The following TEAD1 variants were observed in gnomAD, a reference collection of about 807,000 sequenced individuals.
TEAD1 encodes TEA domain transcription factor 1.
TEAD1 carries 9 observed loss-of-function variants against 54.9 expected under a neutral mutation model. The observed-to-expected ratio is 0.16, with a 90% CI of 0.10 to 0.29. The LOEUF is 0.29. Among genes scored for constraint, TEAD1 ranks in the 10% least tolerant of loss-of-function variants. The pLI is 1.00. For missense variants in TEAD1, 387 were observed against 535.9 expected, an observed-to-expected ratio of 0.72 and a Z score of 2.74; for synonymous variants, 200 against 187.8, an observed-to-expected ratio of 1.07 and a Z score of -0.53.
chr11:12,922,179 A>G (rs1948818847), intron 10 of TEAD1, among the ~76,000 whole-genome samples: 1 of 149,894 alleles, frequency 6.7e-6, no homozygotes, highest in Non-Finnish European at 1.5e-5. Context: ...GGGAATGTGG[A>G]GTACATGGTT....
At chr11:12,878,245 G>T (rs1947895586) in intron 5 of TEAD1, among the ~76,000 whole-genome samples, 1 of 152,114 alleles carries the variant, frequency 6.6e-6, no homozygotes, top group African/African-American at 2.4e-5. Flanking sequence ...TTTCTTAGAA[G>T]CCCTTAGCAG....
At chr11:12,731,536 A>G (rs1402590632) in intron 2 of TEAD1, among the ~76,000 whole-genome samples, 1 of 152,140 alleles carries the variant, frequency 6.6e-6, no homozygotes, top group Admixed American at 6.5e-5. Flanking sequence ...AATATCTTTA[A>G]TATCAATAAA....
intron 3 of TEAD1, among the ~76,000 whole-genome samples, chr11:12,793,446 A>G (rs1053214697): frequency 8.5e-5 from 13 of 152,328 alleles, no homozygotes; most frequent in African/African-American, 3.1e-4. Context: ...AATATCTTAT[A>G]GTTTTTTTGA....
At chr11:12,714,338 C>A (rs1173432617) in intron 2 of TEAD1, among the ~76,000 whole-genome samples, 1 of 152,188 alleles carries the variant, frequency 6.6e-6, no homozygotes, top group Admixed American at 6.5e-5. Context: ...CCCAGCAGCT[C>A]TGGGCCATTT....
At chr11:12,882,209 C>T (rs926163535) in intron 8 of TEAD1, among the ~76,000 whole-genome samples, 1 of 152,150 alleles carries the variant, frequency 6.6e-6, no homozygotes, top group African/African-American at 2.4e-5. Context: ...ACTGAAGACG[C>T]TGGATTATCC....
chr11:12,874,087 A>T lies in TEAD1; in HGVS notation c.331-5621A>T, dbSNP rs576205777. On this transcript the variant is annotated intron_variant, in intron 5 of 12. Coordinates refer to ENST00000527636, the MANE Select transcript of TEAD1 (RefSeq NM_021961.6). ...TAAATTACATTGGAATCCTATCTTT[A>T]AATTCTGAAATCATGGCCCATGAAT... Among the ~76,000 whole-genome samples, 32 of 152,316 alleles carry T rather than the reference A, an allele frequency of 2.1e-4. No individual in the cohort carries two copies. In the East Asian group the frequency reaches 2.9e-3, roughly 14 times the overall value.
At chr11:12,745,108 T>C (rs374370601) in intron 2 of TEAD1, among the ~76,000 whole-genome samples, 1 of 152,200 alleles carries the variant, frequency 6.6e-6, no homozygotes, top group Non-Finnish European at 1.5e-5. Context: ...TGGGGAAAGA[T>C]GAGTCGAGTC....
chr11:12,793,861 A>G (rs1026206643), intron 3 of TEAD1, among the ~76,000 whole-genome samples: 3 of 152,240 alleles, frequency 2.0e-5, no homozygotes, highest in East Asian at 1.9e-4. Context: ...ATCTGACTCC[A>G]GTTGTTCAAA....
chr11:12,899,237 G>A (rs1347545762), intron 9 of TEAD1, among the ~76,000 whole-genome samples: 1 of 152,178 alleles, frequency 6.6e-6, no homozygotes, highest in African/African-American at 2.4e-5. Context: ...CGGTCTGAGA[G>A]CTAGCTGTAA....
At chr11:12,702,408 C>T (rs1211712851) in intron 2 of TEAD1, among the ~76,000 whole-genome samples, 3 of 152,192 alleles carry the variant, frequency 2.0e-5, no homozygotes, top group Non-Finnish European at 4.4e-5. Context: ...TGACTTCCAT[C>T]TGTAGAATGC....
chr11:12,720,701 G>T (rs1260337751), intron 2 of TEAD1, among the ~76,000 whole-genome samples: 1 of 152,184 alleles, frequency 6.6e-6, no homozygotes, highest in Non-Finnish European at 1.5e-5. Flanking sequence ...AACCAGCAGA[G>T]CTCTGTAAGT....
At chr11:12,923,643 G>C (rs1005568458) in intron 10 of TEAD1, among the ~76,000 whole-genome samples, 1 of 152,100 alleles carries the variant, frequency 6.6e-6, no homozygotes, top group Non-Finnish European at 1.5e-5. Context: ...CCACAGCCTG[G>C]GTAATTTATA....
chr11:12,749,129 T>A (rs1944811994), intron 2 of TEAD1, among the ~76,000 whole-genome samples: 3 of 152,026 alleles, frequency 2.0e-5, no homozygotes, highest in Non-Finnish European at 4.4e-5. Flanking sequence ...TGTGTGTGTG[T>A]GAGGATTTGC....
chr11:12,822,387 A>G (rs1946570699), intron 3 of TEAD1: 1 of 152,240 alleles, frequency 6.6e-6, no homozygotes, highest in South Asian at 2.1e-4. Context: ...GAACCATTGC[A>G]TACGTGACAT....
chr11:12,886,664 ATT>A (rs570808378), intron 9 of TEAD1, among the ~76,000 whole-genome samples: 8 of 142,116 alleles, frequency 5.6e-5, no homozygotes, highest in Non-Finnish European at 3.1e-5. Flanking sequence ...GTCACAACTG[ATT>A]TTTTTTTTTT....
intron 3 of TEAD1, among the ~76,000 whole-genome samples, chr11:12,782,361 A>G (rs1236185273): frequency 6.6e-6 from 1 of 152,226 alleles, no homozygotes; most frequent in Non-Finnish European, 1.5e-5. Flanking sequence ...ATGAAAGACC[A>G]CATATTGTAC....
chr11:12,715,690 A>C (rs1009355477), intron 2 of TEAD1, among the ~76,000 whole-genome samples: 2 of 152,078 alleles, frequency 1.3e-5, no homozygotes, highest in Non-Finnish European at 2.9e-5. Context: ...TGGGTTGTAG[A>C]TGGGCTTATC....
intron 3 of TEAD1, among the ~76,000 whole-genome samples, chr11:12,809,727 G>T (rs539217808): frequency 6.6e-6 from 1 of 152,296 alleles, no homozygotes; most frequent in African/African-American, 2.4e-5. Flanking sequence ...ACCACTGGGG[G>T]CTGGCTGGGC....
intron 3 of TEAD1, among the ~76,000 whole-genome samples, chr11:12,771,038 C>T (rs972962533): frequency 1.3e-5 from 2 of 152,192 alleles, no homozygotes; most frequent in Non-Finnish European, 2.9e-5. Context: ...AGGACTGTTG[C>T]ATGTAACTTC....
Sources: allele counts gnomAD v4.1 joint callset (sites outside exome capture counted in the v4.1 genomes callset), GRCh38; gene constraint gnomAD v4.1.1; transcripts MANE v1.5; gene names NCBI Gene and HGNC (gene_info 2026-07-23, HGNC 2026-07-21).